Variants in FER observed in about 807,000 individuals in gnomAD.
FER encodes the protein tyrosine-protein kinase Fer.
A neutral mutation model predicts 111.0 loss-of-function variants in FER; 63 were observed. That is an observed-to-expected ratio of 0.57 (90% CI 0.46 to 0.70). FER has a LOEUF of 0.70. FER is among the 30% of genes least tolerant of loss of function. The probability of loss-of-function intolerance (pLI) is 0.00; values close to 1 mark genes in which losing one functional copy is unlikely to be tolerated. For missense variants in FER, 914 were observed against 954.0 expected (o/e 0.96, Z 0.55); for synonymous variants, 327 against 313.9 (o/e 1.04, Z -0.44).
At chr5:109,155,027 A>T (rs1755219447) in intron 17 of FER, among the ~76,000 whole-genome samples, 1 of 151,860 alleles carries the variant, frequency 6.6e-6, no homozygotes, top group Admixed American at 6.6e-5. Context: ...CTCGATATGT[A>T]CCCTACATTT....
intron 7 of FER, among the ~76,000 whole-genome samples, chr5:108,871,711 A>C (rs1356832444): frequency 6.6e-6 from 1 of 152,006 alleles, no homozygotes; most frequent in Non-Finnish European, 1.5e-5. Flanking sequence ...AAAATTTGTT[A>C]GTTGTTAATC....
chr5:109,159,868 A>C (rs567783271), intron 17 of FER, among the ~76,000 whole-genome samples: 19 of 152,276 alleles, frequency 1.2e-4, no homozygotes, highest in African/African-American at 4.6e-4. Context: ...TAATCTACTA[A>C]GCAGATGATC....
intron 13 of FER, among the ~76,000 whole-genome samples, chr5:108,988,001 A>G (rs903456844): frequency 1.1e-4 from 17 of 152,170 alleles, no homozygotes; most frequent in Admixed American, 1.1e-3. Context: ...TGTTAATCAC[A>G]AACGGATGCT....
At chr5:109,047,050 A>G in intron 15 of FER, 54 bp from the exon 16 acceptor site, 1 of 1,000,108 alleles carries the variant, frequency 1.0e-6, no homozygotes, top group Non-Finnish European at 1.5e-6. Context: ...GTGATCACAA[A>G]TTAATGCTTT....
intron 17 of FER, among the ~76,000 whole-genome samples, chr5:109,152,813 A>G (rs988570582): frequency 6.6e-6 from 1 of 151,940 alleles, no homozygotes. Context: ...CTGTAGTTTT[A>G]TGCACTACCT....
intron 11 of FER, among the ~76,000 whole-genome samples, chr5:108,951,418 G>A (rs1757727996): frequency 6.6e-6 from 1 of 152,058 alleles, no homozygotes; most frequent in South Asian, 2.1e-4. Flanking sequence ...TCTTAATCTA[G>A]TGCCTTAGAC....
intron 5 of FER, among the ~76,000 whole-genome samples, chr5:108,843,233 A>G (rs1761459596): frequency 6.6e-6 from 1 of 152,184 alleles, no homozygotes; most frequent in African/African-American, 2.4e-5. Flanking sequence ...GTCACTGCAA[A>G]TGCTGTTAAT....
In FER at chr5:109,073,306, G is replaced by T. The variant is rs559778325; in HGVS notation, c.1924+26108G>T. ...TTTGAGATACTTGAGGAGCTACACT[G>T]TCCAATCTCAGCTTTCAACAAGACT... On this transcript the variant is annotated intron_variant, in intron 16 of 19. Transcript: ENST00000281092. Among the ~76,000 whole-genome samples, 101 of 152,230 alleles carry T rather than the reference G, an allele frequency of 6.6e-4. 1 individual carries two copies. In the South Asian group the frequency reaches 0.015, roughly 22 times the overall value.
intron 13 of FER, among the ~76,000 whole-genome samples, chr5:109,001,125 C>T (rs1029361856): frequency 2.0e-5 from 3 of 152,116 alleles, no homozygotes; most frequent in Non-Finnish European, 4.4e-5. Context: ...CTCCCTAACT[C>T]ATTTTATAAG....
Position 108,835,189 on chromosome 5 carries a change from C to CG in FER, c.382-519_382-518insG, listed in dbSNP as rs1334210761. On this transcript the variant is annotated intron_variant, in intron 4 of 19. Coordinates refer to ENST00000281092, the MANE Select transcript of FER (RefSeq NM_005246.4). ...GTTATTTCTTCGTTTGCGCCACCCC[C>CG]CCCCCCCCACTTTTTTTTTGAGTCA... 2.6e-5 allele frequency among the ~76,000 whole-genome samples: 3 copies of CG among 113,382 alleles called. 1 individual carries two copies. The South Asian group carries it at 9.7e-4, about 37-fold the overall frequency. The allele number at this position is 113,382 out of a possible 152,430, so 74.4% of individuals were successfully genotyped here.
At chr5:108,862,295 G>T (rs1763600649) in intron 5 of FER, among the ~76,000 whole-genome samples, 1 of 152,060 alleles carries the variant, frequency 6.6e-6, no homozygotes, top group Non-Finnish European at 1.5e-5. Flanking sequence ...AAAGGTATCT[G>T]GGAAATTCTT....
chr5:108,935,988 T>C (rs1190422100), intron 10 of FER, among the ~76,000 whole-genome samples: 2 of 152,172 alleles, frequency 1.3e-5, no homozygotes, highest in South Asian at 4.1e-4. Flanking sequence ...AAATATGAGG[T>C]CTGTGTCTTG....
Position 109,193,781 on chromosome 5 carries a change from T to C in FER, c.*6206T>C, listed in dbSNP as rs2126913600. 6.6e-6 allele frequency: 1 copy of C among 152,270 alleles called. No homozygotes were observed. Among genetic ancestry groups the C allele is most frequent in the Non-Finnish European group, 1.5e-5 (1 of 68,020 alleles). 9.4% of individuals were successfully genotyped at this position (152,270 alleles called of 1,614,324 possible). ...TTTATCATCAGCTTATATTGAATAA[T>C]GTTGTAATTGGTTTCAATCAAAGTT... On this transcript the variant is annotated 3_prime_UTR_variant, in exon 20 of 20. Transcript: ENST00000281092.
chr5:108,795,984 G>A lies in FER; in HGVS notation c.-59-2140G>A, dbSNP rs192306650. Among the ~76,000 whole-genome samples, 315 of 152,244 alleles carry A rather than the reference G, an allele frequency of 2.1e-3. 3 individuals carry two copies. The highest frequency in any genetic ancestry group is 7.0e-3 in the African/African-American group (292 of 41,546). ...AGGTATTTATTAGATATTTATTGTA[G>A]TCTTCACTTCTGTGCTTTGTTTGTA... On this transcript the variant is annotated intron_variant, in intron 2 of 19. Coordinates refer to ENST00000281092, the MANE Select transcript of FER (RefSeq NM_005246.4).
In FER at chr5:109,087,202, T is replaced by G. The variant is rs1319484930; in HGVS notation, c.1925-13194T>G. Among the ~76,000 whole-genome samples the G allele has an allele frequency of 8.6e-5, 13 of 151,740 alleles. No individual in the cohort carries two copies. The East Asian group carries it at 2.5e-3, about 29-fold the overall frequency. On this transcript the variant is annotated intron_variant, in intron 16 of 19. Transcript: ENST00000281092. ...ATTTGGACATTTTCTTGAAACCTCT[T>G]TGTTATTAATTTTAACTGAATTAAT...
At chr5:109,002,728 CA>C (rs1225682002) in intron 13 of FER, among the ~76,000 whole-genome samples, 1 of 152,050 alleles carries the variant, frequency 6.6e-6, no homozygotes, top group Non-Finnish European at 1.5e-5. Flanking sequence ...ACTCATCTGA[CA>C]AAGGGCTAAT....
intron 13 of FER, among the ~76,000 whole-genome samples, chr5:109,003,849 G>A (rs139989446): frequency 9.9e-5 from 15 of 152,012 alleles, no homozygotes; most frequent in East Asian, 1.9e-4. Context: ...GCATGGTGGC[G>A]CACACCTGTA....
chr5:109,192,852 T>C lies in FER; in HGVS notation c.*5277T>C, dbSNP rs1319714036. 1 of 152,118 alleles carries C rather than the reference T, an allele frequency of 6.6e-6. No individual in the cohort carries two copies. Among genetic ancestry groups the C allele is most frequent in the South Asian group, 2.1e-4 (1 of 4,826 alleles). The allele number at this position is 152,118 out of a possible 1,614,324, so 9.4% of individuals were successfully genotyped here. ...AAATGGAAGAATACAAGTAGCAATG[T>C]TCCTTGTCTTCAATAACATTTGAGG... On this transcript the variant is annotated 3_prime_UTR_variant, in exon 20 of 20. Transcript: ENST00000281092.
intron 17 of FER, among the ~76,000 whole-genome samples, chr5:109,143,775 A>G (rs748611559): frequency 1.5e-4 from 23 of 151,638 alleles, no homozygotes; most frequent in Admixed American, 2.6e-4. Flanking sequence ...CCTAGGCTCA[A>G]GCTATCCTCC....
Sources: gnomAD v4.1 joint callset for allele counts (sites outside exome capture counted in the v4.1 genomes callset) on GRCh38, gnomAD v4.1.1 for gene constraint, MANE v1.5 for transcripts, NCBI Gene and HGNC (gene_info 2026-07-23, HGNC 2026-07-21) for gene names.